Variants in DAG1 observed in about 807,000 individuals in gnomAD.
The protein encoded by DAG1 is dystroglycan 1 (dystrophin-associated glycoprotein 1).
DAG1 carries 8 observed loss-of-function variants against 46.1 expected under a neutral mutation model. The ratio of observed to expected loss-of-function variants is 0.17; its 90% CI spans 0.10 to 0.31. DAG1 has a LOEUF of 0.31. Ranked by LOEUF, DAG1 falls within the 10% of genes least tolerant of loss-of-function variation. The pLI is 1.00. For synonymous variants in DAG1, 495 were observed against 481.8 expected (o/e 1.03, Z -0.36); for missense variants, 1,003 against 1,189.9 (o/e 0.84, Z 2.31).
chr3:49,517,680 G>T (rs1422914994), intron 2 of DAG1, among the ~76,000 whole-genome samples: 1 of 152,252 alleles, frequency 6.6e-6, no homozygotes, highest in East Asian at 1.9e-4. Flanking sequence ...AGGTTTGGAA[G>T]ATCAGGGCCA....
intron 2 of DAG1, among the ~76,000 whole-genome samples, chr3:49,529,070 C>T (rs1163042973): frequency 6.6e-6 from 1 of 152,096 alleles, no homozygotes; most frequent in Non-Finnish European, 1.5e-5. Flanking sequence ...AGGCTGGTCT[C>T]GAACTCCTGA....
chr3:49,515,006 T>C (rs917230513), intron 2 of DAG1, among the ~76,000 whole-genome samples: 5 of 152,234 alleles, frequency 3.3e-5, no homozygotes, highest in Non-Finnish European at 7.3e-5. Flanking sequence ...ACTACAGGCA[T>C]GCGCCACCAC....
intron 2 of DAG1, among the ~76,000 whole-genome samples, chr3:49,518,184 A>G (rs2050943930): frequency 6.6e-6 from 1 of 152,202 alleles, no homozygotes; most frequent in Non-Finnish European, 1.5e-5. Context: ...GAGTTGCCAA[A>G]TGAAGACTCA....
chr3:49,482,011 A>G (rs1242088127), intron 1 of DAG1, among the ~76,000 whole-genome samples: 4 of 152,170 alleles, frequency 2.6e-5, no homozygotes, highest in African/African-American at 9.6e-5. Flanking sequence ...TAGAACAACT[A>G]TTTTCATACC....
At chr3:49,502,676 T>C (rs1360588218) in intron 1 of DAG1, among the ~76,000 whole-genome samples, 1 of 148,580 alleles carries the variant, frequency 6.7e-6, no homozygotes, top group Non-Finnish European at 1.5e-5. Flanking sequence ...TCTTGCTCTG[T>C]CGCCTAGGCT....
chr3:49,478,432 AAAAAAT>A (rs1173852842), intron 1 of DAG1, among the ~76,000 whole-genome samples: 6 of 67,346 alleles, frequency 8.9e-5, no homozygotes, highest in Admixed American at 4.5e-4. Context: ...CTGTCTCTAC[AAAAAAT>A]AAAAAAAAAA....
rs763537489 is a variant in DAG1, at chr3:49,531,526, G to A, written c.1015G>A (p.Val339Met). ...TAIQEPPSRI[V>M]PTPTSPAIAP... ...TATCCAGGAGCCCCCATCCAGGATC[G>A]TGCCAACCCCCACATCTCCAGCCAT... is the stretch of plus-strand genomic sequence containing the variant. The change falls in exon 3 of 3, where the codon GTG becomes ATG. Residue 339 changes from valine to methionine, a missense_variant. By Grantham distance (21) the Val-to-Met change is conservative. Coordinates refer to ENST00000308775, the MANE Select transcript of DAG1 (RefSeq NM_004393.6). This position sits in a 1 kb window ranked among gnomAD's most constrained non-coding sequence, Gnocchi z 7.0. The A allele has an allele frequency of 1.2e-5, 20 of 1,610,604 alleles. No homozygotes were observed. Among genetic ancestry groups the A allele is most frequent in the Non-Finnish European group, 1.7e-5 (20 of 1,177,420 alleles).
intron 1 of DAG1, among the ~76,000 whole-genome samples, chr3:49,475,132 T>C (rs2049643392): frequency 6.7e-6 from 1 of 148,688 alleles, no homozygotes. Context: ...AAGATGGAGT[T>C]TCGCTTTTGT....
chr3:49,512,390 T>A (rs2050784493), intron 2 of DAG1, among the ~76,000 whole-genome samples: 1 of 151,638 alleles, frequency 6.6e-6, no homozygotes, highest in African/African-American at 2.4e-5. Context: ...TTAATTTATT[T>A]TAATTAATTA....
chr3:49,487,863 C>T (rs1382975525), intron 1 of DAG1, among the ~76,000 whole-genome samples: 10 of 151,920 alleles, frequency 6.6e-5, no homozygotes, highest in African/African-American at 2.2e-4. Flanking sequence ...CCACCATACA[C>T]GGCTAATTTT....
intron 1 of DAG1, among the ~76,000 whole-genome samples, chr3:49,491,501 G>A (rs1382548298): frequency 2.7e-5 from 4 of 150,720 alleles, no homozygotes; most frequent in Non-Finnish European, 4.4e-5. Flanking sequence ...TTTTTGAGAC[G>A]GAGTCTTGCT....
chr3:49,478,038 G>A (rs1021595629), intron 1 of DAG1, among the ~76,000 whole-genome samples: 10 of 151,644 alleles, frequency 6.6e-5, no homozygotes, highest in African/African-American at 1.7e-4. Context: ...AGGCCGAGGC[G>A]GGTACATCAT....
At chr3:49,477,432 CA>C (rs1430673697) in intron 1 of DAG1, among the ~76,000 whole-genome samples, 3 of 152,146 alleles carry the variant, frequency 2.0e-5, no homozygotes, top group African/African-American at 7.2e-5. Flanking sequence ...GCTGGGACTA[CA>C]GGGGCATGTC....
At chr3:49,492,812 T>G (rs529788619) in intron 1 of DAG1, 5 of 151,962 alleles carry the variant, frequency 3.3e-5, no homozygotes, top group Non-Finnish European at 5.9e-5. Context: ...GAAGGTGTGT[T>G]CTTCTTCCAG....
intron 1 of DAG1, among the ~76,000 whole-genome samples, chr3:49,490,242 A>G (rs1329396049): frequency 1.3e-5 from 2 of 151,990 alleles, no homozygotes; most frequent in East Asian, 1.9e-4. Flanking sequence ...AGTCCCAGCT[A>G]CTTGGGCGGC....
chr3:49,508,964 A>G (rs2050688657), intron 1 of DAG1, among the ~76,000 whole-genome samples: 1 of 152,128 alleles, frequency 6.6e-6, no homozygotes, highest in African/African-American at 2.4e-5. Context: ...CTTCATCCCT[A>G]AGTACTTCAA....
At chr3:49,510,290 A>G (rs2050726498) in intron 1 of DAG1, 129 bp from the exon 2 acceptor site, 1 of 597,622 alleles carries the variant, frequency 1.7e-6, no homozygotes, top group African/African-American at 1.9e-5. Context: ...TTTCTGTATA[A>G]GAGACCATGG....
intron 1 of DAG1, 146 bp downstream of exon 1, chr3:49,470,579 GAGGCGGTGCCGCCC>G (rs1284606517): frequency 6.6e-6 from 1 of 152,256 alleles, no homozygotes; most frequent in Non-Finnish European, 1.5e-5. Context: ...TGTGGGTGAG[GAGGCGGTGCCGCCC>G]GGGCGGAGCC....
At chr3:49,490,129 G>A (rs1330440817) in intron 1 of DAG1, among the ~76,000 whole-genome samples, 2 of 152,062 alleles carry the variant, frequency 1.3e-5, no homozygotes, top group African/African-American at 2.4e-5. Context: ...CGAGGCAGAC[G>A]GATCACGAGG....
Sources: allele counts gnomAD v4.1 joint callset (sites outside exome capture counted in the v4.1 genomes callset), GRCh38; gene constraint gnomAD v4.1.1; non-coding constraint Gnocchi (gnomAD v3.1); transcripts MANE v1.5; gene names NCBI Gene and HGNC (gene_info 2026-07-23, HGNC 2026-07-21).